The following CEPT1 variants were observed in gnomAD, a reference collection of about 807,000 sequenced individuals.
CEPT1 encodes the protein choline/ethanolaminephosphotransferase 1.
In CEPT1, 7 loss-of-function variants were observed where a neutral mutation model predicts 42.6. That is an observed-to-expected ratio of 0.16 (90% CI 0.09 to 0.31). The LOEUF (loss-of-function observed/expected upper bound fraction) is 0.31, where lower values mean the gene tolerates loss of function less well. Ranked by LOEUF, CEPT1 falls within the 10% of genes least tolerant of loss-of-function variation. CEPT1 has a pLI of 1.00. For missense variants in CEPT1, 306 were observed against 502.1 expected, an observed-to-expected ratio of 0.61 and a Z score of 3.73; for synonymous variants, 171 against 171.9, an observed-to-expected ratio of 0.99 and a Z score of 0.04.
chr1:111,151,983 C>G (rs1303939013), intron 2 of CEPT1, among the ~76,000 whole-genome samples: 1 of 152,144 alleles, frequency 6.6e-6, no homozygotes, highest in Non-Finnish European at 1.5e-5. Flanking sequence ...CCCCAGACCC[C>G]TTAGATACGA....
intron 4 of CEPT1, among the ~76,000 whole-genome samples, chr1:111,161,638 C>T (rs148634974): frequency 0.011 from 1,712 of 152,046 alleles, 36 homozygotes; most frequent in African/African-American, 0.039. Flanking sequence ...AATGCATTTC[C>T]AGGAAAAAGA....
rs1255843120 is a variant in CEPT1, at chr1:111,182,359, G to C, written c.846+41G>C. ...GATTTTCAACACTTGTTTACACTAG[G>C]ACTTGGTTTTGTTGTCATTTTGTTT... On this transcript the variant is annotated intron_variant, in intron 6 of 8. Coordinates refer to ENST00000357172, the MANE Select transcript of CEPT1 (RefSeq NM_006090.5). 3.2e-6 allele frequency: 5 copies of C among 1,586,622 alleles called. No homozygotes were observed. In the East Asian group the frequency reaches 6.8e-5, roughly 21 times the overall value.
chr1:111,153,443 C>G (rs944718656), intron 2 of CEPT1, among the ~76,000 whole-genome samples: 1 of 152,120 alleles, frequency 6.6e-6, no homozygotes, highest in Non-Finnish European at 1.5e-5. Flanking sequence ...CTCAGCCTCC[C>G]AGAGTGCTTG....
At chr1:111,165,645 T>C (rs902279656) in intron 4 of CEPT1, among the ~76,000 whole-genome samples, 7 of 152,144 alleles carry the variant, frequency 4.6e-5, no homozygotes, top group Non-Finnish European at 7.3e-5. Flanking sequence ...TCTACACAGA[T>C]ATTATTACAA....
At chr1:111,158,966 T>C (rs1655726233) in intron 2 of CEPT1, among the ~76,000 whole-genome samples, 1 of 126,762 alleles carries the variant, frequency 7.9e-6, no homozygotes, top group Admixed American at 9.6e-5. Flanking sequence ...CAGGCTGGAG[T>C]GCAGTGGCGC....
intron 4 of CEPT1, among the ~76,000 whole-genome samples, chr1:111,171,222 A>T (rs772467039): frequency 4.6e-5 from 7 of 152,160 alleles, no homozygotes; most frequent in Non-Finnish European, 8.8e-5. Context: ...TTCAAAATAG[A>T]AATTTTTCTC....
At chr1:111,155,500 T>C (rs1488179420) in intron 2 of CEPT1, among the ~76,000 whole-genome samples, 1 of 151,898 alleles carries the variant, frequency 6.6e-6, no homozygotes, top group Non-Finnish European at 1.5e-5. Context: ...ATGTGTGTCA[T>C]ATATGTATAT....
chr1:111,171,295 A>T (rs974145789), intron 4 of CEPT1, among the ~76,000 whole-genome samples: 27 of 152,158 alleles, frequency 1.8e-4, no homozygotes. Context: ...TGCACTTCTG[A>T]TGTAATAACT....
chr1:111,142,759 T>A (rs1037195348), intron 1 of CEPT1, among the ~76,000 whole-genome samples: 4 of 152,228 alleles, frequency 2.6e-5, no homozygotes, highest in Non-Finnish European at 5.9e-5. Context: ...GCCCATGCAC[T>A]TGTAGAGTAT....
rs745842574 is a variant in CEPT1 at position 111,182,195 on chromosome 1, G to C, written c.723G>C (p.Val241=). ...CTCTCTACCCATTAAAGATTCCAGT[G>C]CTGAATATTCAAATGAAAATTTTTC... The part of the protein sequence containing the change: ...GPPFWQSMIP[V]LNIQMKIFPA... Residue 241 remains valine (V), a synonymous_variant, in exon 6 of 9, where the codon GTG becomes GTC. Coordinates refer to ENST00000357172, the MANE Select transcript of CEPT1 (RefSeq NM_006090.5). 6.2e-7 allele frequency: 1 copy of C among 1,603,104 alleles called. No homozygotes were observed. The highest frequency in any genetic ancestry group is 1.7e-5 in the Admixed American group (1 of 59,032).
intron 1 of CEPT1, chr1:111,143,390 T>G (rs529603437): frequency 6.6e-6 from 1 of 152,384 alleles, no homozygotes; most frequent in East Asian, 1.9e-4. Flanking sequence ...TTTTCTAGCT[T>G]AGCACTTTGT....
At chr1:111,182,361 C>T (rs1481146737) in intron 6 of CEPT1, 43 bp downstream of exon 6, 1 of 1,585,050 alleles carries the variant, frequency 6.3e-7, no homozygotes, top group South Asian at 1.2e-5. Flanking sequence ...TACACTAGGA[C>T]TTGGTTTTGT....
intron 4 of CEPT1, among the ~76,000 whole-genome samples, chr1:111,174,025 C>G (rs1021092236): frequency 6.6e-6 from 1 of 151,978 alleles, no homozygotes; most frequent in Non-Finnish European, 1.5e-5. Context: ...TCATTTTGTG[C>G]AAGTATATCT....
At chr1:111,167,547 G>A in intron 4 of CEPT1, 4 of 927,442 alleles carry the variant, frequency 4.3e-6, no homozygotes, top group Non-Finnish European at 5.1e-6. Context: ...AATAAAGCAA[G>A]CAGAGTTTTT....
In CEPT1 at chr1:111,182,883, C is replaced by G. The variant is rs754496211; in HGVS notation, c.931C>G (p.Leu311Val). 42 of 1,613,512 alleles carry G rather than the reference C, an allele frequency of 2.6e-5. No individual in the cohort carries two copies. Among genetic ancestry groups the G allele is most frequent in the Non-Finnish European group, 3.6e-5 (42 of 1,179,614 alleles). The change falls in exon 7 of 9, where the codon CTT becomes GTT. Residue 311 changes from leucine (L) to valine (V), a missense_variant. Physicochemically the swap from Leu to Val is conservative, Grantham distance 32. Transcript: ENST00000357172. ...AMIYKKSAVQ[L>V]FEKHPCLYIL... ...GATCTACAAGAAATCTGCAGTTCAGCTTTTTGAAAAGCATCCCTGTCTTTA... is the reference window on the plus strand; with the variant it reads ...GATCTACAAGAAATCTGCAGTTCAGGTTTTTGAAAAGCATCCCTGTCTTTA...
At chr1:111,172,311 T>A (rs1007499890) in intron 4 of CEPT1, among the ~76,000 whole-genome samples, 1 of 152,188 alleles carries the variant, frequency 6.6e-6, no homozygotes, top group African/African-American at 2.4e-5. Flanking sequence ...TCAGTTTCTT[T>A]GTTTTGGTTT....
At chr1:111,139,641 G>A (rs1654114582), upstream of CEPT1, 1 of 152,310 alleles carries the variant, frequency 6.6e-6, no homozygotes, top group Non-Finnish European at 1.5e-5. Flanking sequence ...GCACTAGGCC[G>A]TTTGAGGATC....
In CEPT1 at chr1:111,184,419, G is replaced by A. The variant is rs1053850959; in HGVS notation, c.*109G>A. 2 of 835,724 alleles carry A rather than the reference G, an allele frequency of 2.4e-6. No homozygotes were observed. Among genetic ancestry groups the A allele is most frequent in the Admixed American group, 3.1e-5 (1 of 32,536 alleles). The allele number at this position is 835,724 out of a possible 1,614,324, so 51.8% of individuals were successfully genotyped here. ...AATATAATTTATAATAATCAATGTT[G>A]TATAACTTTTATTCTTTATTATTGG... On this transcript the variant is annotated 3_prime_UTR_variant, in exon 9 of 9. Coordinates refer to ENST00000357172, the MANE Select transcript of CEPT1 (RefSeq NM_006090.5).
chr1:111,167,852 T>C (rs1341758896), intron 4 of CEPT1: 9 of 703,540 alleles, frequency 1.3e-5, no homozygotes, highest in Non-Finnish European at 1.6e-5. Context: ...AGTAAATACA[T>C]ATTTCTCTAA....
Sources: allele counts gnomAD v4.1 joint callset (sites outside exome capture counted in the v4.1 genomes callset), GRCh38; gene constraint gnomAD v4.1.1; transcripts MANE v1.5; gene names NCBI Gene and HGNC (gene_info 2026-07-23, HGNC 2026-07-21).